The following IL1RAPL2 variants were observed in gnomAD, a reference collection of about 807,000 sequenced individuals.
The protein encoded by IL1RAPL2 is interleukin 1 receptor accessory protein like 2.
IL1RAPL2 carries 3 observed loss-of-function variants against 44.1 expected under a neutral mutation model. That is an observed-to-expected ratio of 0.07 (90% CI 0.03 to 0.18). The LOEUF (loss-of-function observed/expected upper bound fraction) is 0.18, where lower values mean the gene tolerates loss of function less well. IL1RAPL2 is among the 10% of genes least tolerant of loss of function. The pLI is 1.00. For missense variants in IL1RAPL2, 391 were observed against 496.4 expected (o/e 0.79, Z 2.02); for synonymous variants, 181 against 178.8 (o/e 1.01, Z -0.10).
intron 5 of IL1RAPL2, among the ~76,000 whole-genome samples, chrX:105,446,469 T>G (rs2035955395): frequency 9.0e-6 from 1 of 111,337 alleles, no homozygotes; most frequent in South Asian, 3.7e-4. Flanking sequence ...TCCTCTTCCT[T>G]TTTTCCTTCC....
chrX:104,978,326 T>C (rs1175628518), intron 2 of IL1RAPL2, among the ~76,000 whole-genome samples: 2 of 111,717 alleles, frequency 1.8e-5, no homozygotes, highest in African/African-American at 3.3e-5. Context: ...AGGGCTTCAA[T>C]TGTATTGGTA....
rs777005128 is a variant in IL1RAPL2 at position 104,839,358 on chromosome X, A to T, written c.82+180363A>T. Among the ~76,000 whole-genome samples, 36 of 111,508 alleles carry T rather than the reference A, an allele frequency of 3.2e-4. 1 individual carries two copies. Among genetic ancestry groups the T allele is most frequent in the Non-Finnish European group, 6.2e-4 (33 of 53,108 alleles). On this transcript the variant is annotated intron_variant, in intron 2 of 10. Transcript: ENST00000372582. ...ATTGAGATAATCACGTGTTTTTGTC[A>T]TTGGTTCTGTTTATATGATGGATTA...
At chrX:105,488,285 G>A (rs2036284882) in intron 6 of IL1RAPL2, among the ~76,000 whole-genome samples, 1 of 112,059 alleles carries the variant, frequency 8.9e-6, no homozygotes, top group Admixed American at 9.5e-5. Flanking sequence ...CCAGTGTTTT[G>A]GTCCACTCTG....
intron 6 of IL1RAPL2, among the ~76,000 whole-genome samples, chrX:105,661,720 A>G (rs1224203346): frequency 8.9e-6 from 1 of 112,191 alleles, no homozygotes; most frequent in East Asian, 2.8e-4. Context: ...CCGCTGATTC[A>G]CAGAGTAGCT....
At chrX:105,705,623 A>T (rs1163706062) in intron 6 of IL1RAPL2, among the ~76,000 whole-genome samples, 2 of 111,853 alleles carry the variant, frequency 1.8e-5, no homozygotes, top group Non-Finnish European at 3.8e-5. Flanking sequence ...AATATGGAAC[A>T]GTATAAGGCA....
intron 2 of IL1RAPL2, among the ~76,000 whole-genome samples, chrX:104,709,242 ACT>A (rs772124251): frequency 1.7e-4 from 18 of 108,961 alleles, no homozygotes; most frequent in Admixed American, 1.4e-3. Flanking sequence ...CAGAGAAGAC[ACT>A]CTGAAATTTT....
chrX:105,112,815 T>C (rs1340192995), intron 2 of IL1RAPL2, among the ~76,000 whole-genome samples: 2 of 112,903 alleles, frequency 1.8e-5, no homozygotes, highest in Non-Finnish European at 3.7e-5. Flanking sequence ...AGTAGATTAA[T>C]TCTGCATGTA....
chrX:104,773,618 C>T (rs1255759257), intron 2 of IL1RAPL2, among the ~76,000 whole-genome samples: 1 of 111,562 alleles, frequency 9.0e-6, no homozygotes, highest in East Asian at 2.8e-4. Context: ...AAAAGAGATA[C>T]AATGAAACTT....
chrX:105,280,519 C>A (rs1321054286), intron 5 of IL1RAPL2, among the ~76,000 whole-genome samples: 1 of 111,070 alleles, frequency 9.0e-6, no homozygotes, highest in Admixed American at 9.6e-5. Context: ...AAAATTTTTG[C>A]AATCTATCCA....
At chrX:105,024,788 G>A (rs1362326084) in intron 2 of IL1RAPL2, among the ~76,000 whole-genome samples, 2 of 111,549 alleles carry the variant, frequency 1.8e-5, no homozygotes, top group Non-Finnish European at 3.8e-5. Context: ...TGTTTATGTT[G>A]ACAGAGATGG....
intron 2 of IL1RAPL2, among the ~76,000 whole-genome samples, chrX:104,879,672 A>G (rs1923010600): frequency 8.9e-6 from 1 of 111,859 alleles, no homozygotes; most frequent in African/African-American, 3.2e-5. Flanking sequence ...TCTGGTGCAA[A>G]TTATCACAGT....
intron 5 of IL1RAPL2, among the ~76,000 whole-genome samples, chrX:105,410,320 G>T (rs1171772704): frequency 9.1e-6 from 1 of 109,373 alleles, no homozygotes; most frequent in Non-Finnish European, 1.9e-5. Flanking sequence ...TGGTTGGTGA[G>T]GTAGGAAAAA....
chrX:104,956,455 C>T (rs1215408342), intron 2 of IL1RAPL2, among the ~76,000 whole-genome samples: 1 of 20,081 alleles, frequency 5.0e-5, no homozygotes, highest in Non-Finnish European at 9.0e-5. Context: ...AACCCTGTCT[C>T]TACTAAGTGT....
chrX:105,719,811 G>A (rs1421645189), intron 7 of IL1RAPL2, among the ~76,000 whole-genome samples: 1 of 109,772 alleles, frequency 9.1e-6, no homozygotes, highest in Non-Finnish European at 1.9e-5. Flanking sequence ...ATAAATAATG[G>A]ATATATTACA....
chrX:105,707,657 T>G (rs774809979), intron 6 of IL1RAPL2, among the ~76,000 whole-genome samples: 1 of 112,070 alleles, frequency 8.9e-6, no homozygotes, highest in East Asian at 2.8e-4. Flanking sequence ...TTCAAACAAG[T>G]TAACTTCTTT....
chrX:105,119,174 TTAGA>T (rs2032894579), intron 2 of IL1RAPL2, among the ~76,000 whole-genome samples: 1 of 111,588 alleles, frequency 9.0e-6, no homozygotes, highest in South Asian at 3.8e-4. Context: ...TGGAAAGAAC[TTAGA>T]TACTTTTTTT....
intron 6 of IL1RAPL2, among the ~76,000 whole-genome samples, chrX:105,489,789 C>CTA (rs2036300722): frequency 1.6e-5 from 1 of 64,267 alleles, no homozygotes; most frequent in Non-Finnish European, 2.7e-5. Flanking sequence ...TTCTCTCTTT[C>CTA]TCTCTCTCTC....
At chrX:104,660,064 A>G (rs1224168940) in intron 2 of IL1RAPL2, among the ~76,000 whole-genome samples, 1 of 111,857 alleles carries the variant, frequency 8.9e-6, no homozygotes, top group African/African-American at 3.2e-5. Flanking sequence ...AGGATCCTGG[A>G]GTGATAAAGA....
chrX:104,916,750 C>T (rs932710518), intron 2 of IL1RAPL2, among the ~76,000 whole-genome samples: 9 of 111,028 alleles, frequency 8.1e-5, no homozygotes, highest in East Asian at 2.8e-4. Context: ...CCCATCAGTA[C>T]GTAATTTCTT....
Sources: gnomAD v4.1 joint callset for allele counts (sites outside exome capture counted in the v4.1 genomes callset) on GRCh38, gnomAD v4.1.1 for gene constraint, MANE v1.5 for transcripts, NCBI Gene and HGNC (gene_info 2026-07-23, HGNC 2026-07-21) for gene names.